The following FAF2 variants were observed in gnomAD, a reference collection of about 807,000 sequenced individuals.
FAF2 encodes the protein FAS-associated factor 2.
FAF2 carries 9 observed loss-of-function variants against 62.3 expected under a neutral mutation model. The ratio of observed to expected loss-of-function variants is 0.14; its 90% confidence interval spans 0.09 to 0.25. The LOEUF is 0.25. FAF2 is among the 10% of genes least tolerant of loss of function. FAF2 has a pLI of 1.00. For missense variants in FAF2, 368 were observed against 556.2 expected, an observed-to-expected ratio of 0.66 and a Z score of 3.40; for synonymous variants, 202 against 198.0, an observed-to-expected ratio of 1.02 and a Z score of -0.17.
chr5:176,492,848 C>T (rs1382652488), intron 5 of FAF2, among the ~76,000 whole-genome samples: 2 of 152,136 alleles, frequency 1.3e-5, no homozygotes, highest in Non-Finnish European at 2.9e-5. Flanking sequence ...CATTTGTGTT[C>T]GTGTCTAATC....
chr5:176,508,746 T>C lies in FAF2; in HGVS notation c.*1796T>C, dbSNP rs1174164197. ...CTGACTGCTGTCAATAAAATGTATC[T>C]GGCGTGAACAGCAGGATAACCCATG... On this transcript the variant is annotated 3_prime_UTR_variant, in exon 11 of 11. Transcript: ENST00000261942. 1 of 152,234 alleles carries C rather than the reference T, an allele frequency of 6.6e-6. No individual in the cohort carries two copies. Among genetic ancestry groups the C allele is most frequent in the African/African-American group, 2.4e-5 (1 of 41,458 alleles). The allele number at this position is 152,234 out of a possible 1,614,324, so 9.4% of individuals were successfully genotyped here.
At chr5:176,461,463 G>C (rs753055019) in intron 1 of FAF2, among the ~76,000 whole-genome samples, 1 of 151,454 alleles carries the variant, frequency 6.6e-6, no homozygotes, top group South Asian at 2.1e-4. Context: ...GACTACAGGT[G>C]TACACCACCA....
intron 1 of FAF2, among the ~76,000 whole-genome samples, chr5:176,478,106 G>A (rs1318389137): frequency 1.3e-5 from 2 of 152,210 alleles, no homozygotes; most frequent in Non-Finnish European, 2.9e-5. Flanking sequence ...CTAGAGTTTA[G>A]CTCTGTGGAA....
chr5:176,499,616 CTT>C (rs879781609), intron 9 of FAF2, among the ~76,000 whole-genome samples: 1 of 144,392 alleles, frequency 6.9e-6, no homozygotes. Flanking sequence ...CCTTTTATTT[CTT>C]TTTTTTTTTT....
chr5:176,465,229 C>G (rs769151671), intron 1 of FAF2, among the ~76,000 whole-genome samples: 1 of 152,052 alleles, frequency 6.6e-6, no homozygotes, highest in Non-Finnish European at 1.5e-5. Flanking sequence ...GACCCCAAAC[C>G]CTTTGTCCAT....
At position 176,460,513 on chromosome 5, in the gene FAF2, CGTGTGTGTGT is replaced by C. The variant is rs747582699; in HGVS notation, c.63+12074_63+12083del. Among the ~76,000 whole-genome samples the C allele has an allele frequency of 7.5e-3, 992 of 132,658 alleles. 16 individuals carry two copies. The highest frequency in any genetic ancestry group is 0.026 in the African/African-American group (918 of 35,464). The allele number at this position is 132,658 out of a possible 152,430, so 87.0% of individuals were successfully genotyped here. On this transcript the variant is annotated intron_variant, in intron 1 of 10. Coordinates refer to ENST00000261942, the MANE Select transcript of FAF2 (RefSeq NM_014613.3). ...CAGTGATGTTGACTATTTTTGGCCG[CGTGTGTGTGT>C]GTGTGTGTGTGTGTGTGTGTGTGTG...
intron 2 of FAF2, among the ~76,000 whole-genome samples, chr5:176,482,160 C>G (rs184794356): frequency 6.6e-6 from 1 of 150,804 alleles, no homozygotes; most frequent in African/African-American, 2.4e-5. Context: ...GCAAAAATGT[C>G]TATTCAAGTC....
chr5:176,484,336 T>G (rs780609924), intron 2 of FAF2, among the ~76,000 whole-genome samples: 11 of 152,200 alleles, frequency 7.2e-5, no homozygotes, highest in Non-Finnish European at 1.3e-4. Context: ...CATGCTGTTC[T>G]GAGAAACATG....
At chr5:176,483,771 G>A (rs530701419) in intron 2 of FAF2, among the ~76,000 whole-genome samples, 12 of 152,270 alleles carry the variant, frequency 7.9e-5, no homozygotes, top group South Asian at 6.2e-4. Context: ...AGCAGCTAAA[G>A]GAAGAGACAA....
At chr5:176,504,061 C>G (rs950310580) in intron 10 of FAF2, among the ~76,000 whole-genome samples, 1 of 151,608 alleles carries the variant, frequency 6.6e-6, no homozygotes, top group Non-Finnish European at 1.5e-5. Flanking sequence ...AAGCCGAGAT[C>G]GTGCCACTGT....
chr5:176,481,195 C>T (rs944831681), intron 2 of FAF2, among the ~76,000 whole-genome samples: 31 of 152,142 alleles, frequency 2.0e-4, no homozygotes, highest in Non-Finnish European at 2.6e-4. Flanking sequence ...TATAGGTGTG[C>T]ACCACCACGC....
At position 176,492,194 on chromosome 5, in the gene FAF2, G is replaced by A. The variant is rs1253115470; in HGVS notation, c.345G>A (p.Arg115=). Reference sequence around the variant, plus strand: ...GTGATATTTATTCCTTCCTCCCCAGGTTTGCTCTTCGTTTTATACGGCCTG... The same window carrying A: ...GTGATATTTATTCCTTCCTCCCCAGATTTGCTCTTCGTTTTATACGGCCTG... ...FTYYTILDIF[R]FALRFIRPDP... is the part of the protein sequence containing the mutation. The change falls in exon 5 of 11, where the codon AGG becomes AGA. Residue 115 remains arginine (R), a splice_region_variant and synonymous_variant. Transcript: ENST00000261942. The A allele has an allele frequency of 5.6e-6, 9 of 1,613,950 alleles. No homozygotes were observed. Among genetic ancestry groups the A allele is most frequent in the African/African-American group, 1.3e-5 (1 of 74,908 alleles).
chr5:176,483,711 A>C (rs1758824748), intron 2 of FAF2, among the ~76,000 whole-genome samples: 1 of 152,208 alleles, frequency 6.6e-6, no homozygotes, highest in African/African-American at 2.4e-5. Context: ...ACTCACTGAA[A>C]GTTGTTATAG....
Position 176,498,904 on chromosome 5 carries a change from C to A in FAF2, c.840-10C>A. The A allele has an allele frequency of 6.5e-7, 1 of 1,539,650 alleles. No individual in the cohort carries two copies. The highest frequency in any genetic ancestry group is 8.8e-7 in the Non-Finnish European group (1 of 1,140,778). ...CTGTTTTTCTTCTCTTGCTTTTGAT[C>A]TATTCACAGGGAAGAAAGAAACCAG... is the stretch of plus-strand genomic sequence containing the variant. On this transcript the variant is annotated splice_polypyrimidine_tract_variant and intron_variant, in intron 8 of 10. Coordinates refer to ENST00000261942, the MANE Select transcript of FAF2 (RefSeq NM_014613.3).
At chr5:176,459,245 T>C (rs988259660) in intron 1 of FAF2, among the ~76,000 whole-genome samples, 12 of 145,784 alleles carry the variant, frequency 8.2e-5, no homozygotes, top group Non-Finnish European at 1.6e-4. Context: ...AAAATTCCAG[T>C]TAACCTTTTT....
At position 176,506,972 on chromosome 5, in the gene FAF2, T is replaced by G; in HGVS notation, c.*22T>G. ...ATGACATTTTTTTCTTCCTGTCCCCTCCTACCCCAGTCCCTAAAAGAAATG... is the reference window on the plus strand; with the variant it reads ...ATGACATTTTTTTCTTCCTGTCCCCGCCTACCCCAGTCCCTAAAAGAAATG... On this transcript the variant is annotated 3_prime_UTR_variant, in exon 11 of 11. Coordinates refer to ENST00000261942, the MANE Select transcript of FAF2 (RefSeq NM_014613.3). The G allele has an allele frequency of 1.4e-6, 2 of 1,424,950 alleles. No homozygotes were observed. Among genetic ancestry groups the G allele is most frequent in the East Asian group, 2.6e-5 (1 of 38,414 alleles). 88.3% of individuals were successfully genotyped at this position (1,424,950 alleles called of 1,614,324 possible).
intron 1 of FAF2, among the ~76,000 whole-genome samples, chr5:176,476,850 C>A (rs1758703042): frequency 7.0e-6 from 1 of 143,486 alleles, no homozygotes; most frequent in Non-Finnish European, 1.5e-5. Context: ...TCCTCTGTCA[C>A]CCAGGCTGGA....
At chr5:176,484,343 CATG>C (rs572068941) in intron 2 of FAF2, among the ~76,000 whole-genome samples, 4 of 152,154 alleles carry the variant, frequency 2.6e-5, no homozygotes, top group Non-Finnish European at 5.9e-5. Flanking sequence ...TTCTGAGAAA[CATG>C]ATGAAATCTC....
rs533606591 is a variant in FAF2 at position 176,507,333 on chromosome 5, A to G, written c.*383A>G. 2.0e-5 allele frequency: 9 copies of G among 453,672 alleles called. No homozygotes were observed. Among genetic ancestry groups the G allele is most frequent in the Non-Finnish European group, 4.0e-5 (9 of 225,530 alleles). 28.1% of individuals were successfully genotyped at this position (453,672 alleles called of 1,614,324 possible). ...CTTGCTTTTATGAAAAATAAAAGTGAAAAACCTCCATCAACCAGCTACTTG... is the reference window on the plus strand; with the variant it reads ...CTTGCTTTTATGAAAAATAAAAGTGGAAAACCTCCATCAACCAGCTACTTG... On this transcript the variant is annotated 3_prime_UTR_variant, in exon 11 of 11. Transcript: ENST00000261942.
Sources: gnomAD v4.1 joint callset for allele counts (sites outside exome capture counted in the v4.1 genomes callset) on GRCh38, gnomAD v4.1.1 for gene constraint, MANE v1.5 for transcripts, NCBI Gene and HGNC (gene_info 2026-07-23, HGNC 2026-07-21) for gene names.